AIDA: variants seen among roughly 807,000 people sequenced by gnomAD.
The protein encoded by AIDA is axin interactor, dorsalization-associated protein.
Under a neutral mutation model 42.7 loss-of-function variants are expected in AIDA, and 18 were observed. That is an observed-to-expected ratio of 0.42 (90% confidence interval 0.29 to 0.63). AIDA has a LOEUF of 0.63. Ranked by LOEUF, AIDA falls within the 20% of genes least tolerant of loss-of-function variation. The probability of loss-of-function intolerance (pLI) is 0.19; values close to 1 mark genes in which losing one functional copy is unlikely to be tolerated. For missense variants in AIDA, 250 were observed against 354.1 expected (o/e 0.71, Z 2.36); for synonymous variants, 104 against 122.9 (o/e 0.85, Z 1.02).
chr1:222,705,740 G>A (rs895889284), intron 1 of AIDA, among the ~76,000 whole-genome samples: 5 of 151,860 alleles, frequency 3.3e-5, no homozygotes, highest in Admixed American at 6.6e-5. Flanking sequence ...GAAAATTAGC[G>A]GGGCGTGGTG....
chr1:222,679,101 C>T (rs572404112), intron 6 of AIDA, among the ~76,000 whole-genome samples: 4 of 152,038 alleles, frequency 2.6e-5, no homozygotes, highest in African/African-American at 9.6e-5. Context: ...AACATGTGGC[C>T]TGAAAACATA....
chr1:222,699,666 G>A (rs1558214853), intron 2 of AIDA, among the ~76,000 whole-genome samples: 2 of 152,090 alleles, frequency 1.3e-5, no homozygotes, highest in Non-Finnish European at 2.9e-5. Flanking sequence ...TTAACTTAGA[G>A]CCTCTGATAA....
chr1:222,704,466 TTCAG>T (rs1655790025), intron 1 of AIDA, among the ~76,000 whole-genome samples: 1 of 152,184 alleles, frequency 6.6e-6, no homozygotes, highest in Admixed American at 6.5e-5. Context: ...TGGAAAATTA[TTCAG>T]TCAAAAAGAG....
Position 222,668,126 on chromosome 1 carries a change from T to C in AIDA, c.*1767A>G, listed in dbSNP as rs1353258328. On this transcript the variant is annotated 3_prime_UTR_variant, in exon 10 of 10. Transcript: ENST00000340020. ...AATTATCATTTTGATATACATATCT[T>C]ATGGTTTATGAGAAAAGAGAAAAAA... 1 of 152,166 alleles carries C rather than the reference T, an allele frequency of 6.6e-6. No individual in the cohort carries two copies. The highest frequency in any genetic ancestry group is 1.5e-5 in the Non-Finnish European group (1 of 68,026). The allele number at this position is 152,166 out of a possible 1,614,324, so 9.4% of individuals were successfully genotyped here. A position where few individuals can be genotyped will look rare whatever the true frequency, so the allele number is the denominator to read the frequency against.
At chr1:222,711,986 G>T in intron 1 of AIDA, 1 of 592,790 alleles carries the variant, frequency 1.7e-6, no homozygotes, top group Non-Finnish European at 2.9e-6. Flanking sequence ...CTGTCCCTGC[G>T]GAGGCGGAGA....
chr1:222,709,796 C>T (rs1329248239), intron 1 of AIDA, among the ~76,000 whole-genome samples: 1 of 152,214 alleles, frequency 6.6e-6, no homozygotes, highest in African/African-American at 2.4e-5. Context: ...ACTCTAAAAT[C>T]TTCCATTGGC....
intron 6 of AIDA, among the ~76,000 whole-genome samples, chr1:222,676,538 T>C (rs1664547075): frequency 6.6e-6 from 1 of 152,228 alleles, no homozygotes; most frequent in South Asian, 2.1e-4. Context: ...ACTTTGTATA[T>C]GCTCATTTAT....
At chr1:222,690,838 C>CA (rs1343785567) in intron 4 of AIDA, among the ~76,000 whole-genome samples, 7 of 152,114 alleles carry the variant, frequency 4.6e-5, no homozygotes, top group Non-Finnish European at 7.4e-5. Context: ...TCTAGATTCT[C>CA]ATTCATTCTC....
At chr1:222,687,317 G>GT (rs1655227049) in intron 5 of AIDA, among the ~76,000 whole-genome samples, 2 of 152,108 alleles carry the variant, frequency 1.3e-5, no homozygotes, top group Non-Finnish European at 2.9e-5. Context: ...TGTAATCCCA[G>GT]TTACTTGGGA....
intron 6 of AIDA, among the ~76,000 whole-genome samples, chr1:222,682,577 T>C (rs1664673174): frequency 6.6e-6 from 1 of 152,144 alleles, no homozygotes; most frequent in Non-Finnish European, 1.5e-5. Context: ...TCATAATATA[T>C]ACATATGATA....
At chr1:222,706,589 C>T (rs1190405656) in intron 1 of AIDA, among the ~76,000 whole-genome samples, 8 of 152,078 alleles carry the variant, frequency 5.3e-5, no homozygotes, top group Non-Finnish European at 1.2e-4. Context: ...AGATCACACC[C>T]GGCATGTGGT....
chr1:222,681,174 T>C (rs1378322914), intron 6 of AIDA, among the ~76,000 whole-genome samples: 2 of 152,230 alleles, frequency 1.3e-5, no homozygotes, highest in Admixed American at 1.3e-4. Flanking sequence ...TTTCACGCCC[T>C]GTCCTCACGT....
chr1:222,691,000 G>A (rs1210108997), intron 4 of AIDA, among the ~76,000 whole-genome samples: 6 of 152,162 alleles, frequency 3.9e-5, no homozygotes, highest in African/African-American at 1.4e-4. Context: ...AAGCCAACAA[G>A]TAAGAATGTA....
At chr1:222,686,781 G>T in intron 6 of AIDA, 149 bp downstream of exon 6, 1 of 899,466 alleles carries the variant, frequency 1.1e-6, no homozygotes, top group Non-Finnish European at 1.7e-6. Context: ...CCATACTTAT[G>T]AAATAGCTAC....
At chr1:222,674,644 C>T (rs1664513250) in intron 7 of AIDA, among the ~76,000 whole-genome samples, 2 of 152,138 alleles carry the variant, frequency 1.3e-5, no homozygotes, top group South Asian at 2.1e-4. Context: ...TTTGTTGTAA[C>T]AACCTGTTTT....
intron 6 of AIDA, among the ~76,000 whole-genome samples, chr1:222,679,035 A>G (rs1310319629): frequency 1.3e-5 from 2 of 152,194 alleles, no homozygotes; most frequent in South Asian, 2.1e-4. Flanking sequence ...GAACTCTTTT[A>G]TCATTTGTTG....
Position 222,693,826 on chromosome 1 carries a change from T to C in AIDA, c.252A>G (p.Glu84=). The change falls in exon 4 of 10, where the codon GAA becomes GAG. Residue 84 remains glutamate, a synonymous_variant. Coordinates refer to ENST00000340020, the MANE Select transcript of AIDA (RefSeq NM_022831.4). ...TCTTCAGGTCCTCCAGTTTAAATTC[T>C]TCTTGAGACTGTGTGGACTAAATTT... The part of the protein sequence containing the change: ...SAALQSTQSQ[E]EFKLEDLKKL... 6.2e-7 allele frequency: 1 copy of C among 1,609,474 alleles called. No homozygotes were observed. Among genetic ancestry groups the C allele is most frequent in the South Asian group, 1.1e-5 (1 of 90,540 alleles).
At chr1:222,695,984 C>T (rs945265198) in intron 2 of AIDA, among the ~76,000 whole-genome samples, 1 of 152,058 alleles carries the variant, frequency 6.6e-6, no homozygotes, top group East Asian at 1.9e-4. Flanking sequence ...CTACAATAAA[C>T]GGCGATACAA....
intron 1 of AIDA, among the ~76,000 whole-genome samples, chr1:222,710,225 C>G (rs1331986302): frequency 6.6e-6 from 1 of 152,106 alleles, no homozygotes; most frequent in Non-Finnish European, 1.5e-5. Flanking sequence ...TTATATGTAG[C>G]CTACATGTTT....
Sources: gnomAD v4.1 joint callset for allele counts (sites outside exome capture counted in the v4.1 genomes callset) on GRCh38, gnomAD v4.1.1 for gene constraint, MANE v1.5 for transcripts, NCBI Gene and HGNC (gene_info 2026-07-23, HGNC 2026-07-21) for gene names.